Variants in CARS2 observed in about 807,000 individuals in gnomAD.
CARS2 encodes cysteinyl-tRNA synthetase 2, mitochondrial.
CARS2 carries 52 observed loss-of-function variants against 68.8 expected under a neutral mutation model. The observed-to-expected ratio is 0.76, with a 90% CI of 0.61 to 0.95. The LOEUF is 0.95. Ranked by LOEUF, CARS2 falls within the 40% of genes least tolerant of loss-of-function variation. The pLI, the probability that CARS2 is intolerant of heterozygous loss-of-function variation, is 0.00. For missense variants in CARS2, 780 were observed against 754.2 expected, an observed-to-expected ratio of 1.03 and a Z score of -0.40; for synonymous variants, 314 against 303.6, an observed-to-expected ratio of 1.03 and a Z score of -0.36.
At chr13:110,666,260 G>A (rs557252262) in intron 8 of CARS2, 7 of 985,290 alleles carry the variant, frequency 7.1e-6, no homozygotes, top group Non-Finnish European at 7.2e-6. Context: ...GAGGGCGGCA[G>A]GCGTTTGTTC....
At chr13:110,644,667 G>A in intron 12 of CARS2, 184 bp from the exon 13 acceptor site, 3 of 1,013,944 alleles carry the variant, frequency 3.0e-6, no homozygotes, top group Admixed American at 3.0e-5. Context: ...ACAACTATAG[G>A]TGCATGAGGA....
At chr13:110,641,786 C>T (rs1887341391) in intron 14 of CARS2, among the ~76,000 whole-genome samples, 178 bp from the exon 15 acceptor site, 3 of 152,260 alleles carry the variant, frequency 2.0e-5, no homozygotes, top group Admixed American at 2.0e-4. Flanking sequence ...CTTCAAGGCA[C>T]CTGCAGGAGG....
At chr13:110,703,294 C>T (rs2063844878) in intron 2 of CARS2, among the ~76,000 whole-genome samples, 1 of 152,180 alleles carries the variant, frequency 6.6e-6, no homozygotes. Context: ...CTAACGACAT[C>T]AGATGGTTGC....
chr13:110,686,265 A>G (rs2063303252), intron 5 of CARS2, among the ~76,000 whole-genome samples: 1 of 147,228 alleles, frequency 6.8e-6, no homozygotes, highest in Non-Finnish European at 1.5e-5. Flanking sequence ...TTTTTGAGAC[A>G]AGGTCTCGCT....
intron 3 of CARS2, among the ~76,000 whole-genome samples, chr13:110,690,060 C>T (rs1049298329): frequency 1.1e-4 from 17 of 152,104 alleles, no homozygotes; most frequent in South Asian, 2.1e-4. Flanking sequence ...AACCCCGTTG[C>T]TACTGAAAAT....
Position 110,642,529 on chromosome 13 carries a change from C to T in CARS2, c.1417-8G>A. Reference sequence around the variant, plus strand: ...GCCGTCTCCTGAAACGTACTGAAGCCAGCAGGGCGCGGTTACGTCCCCCGG... The same window carrying T: ...GCCGTCTCCTGAAACGTACTGAAGCTAGCAGGGCGCGGTTACGTCCCCCGG... On this transcript the variant is annotated splice_region_variant and splice_polypyrimidine_tract_variant and intron_variant, in intron 13 of 14. Coordinates refer to ENST00000257347, the MANE Select transcript of CARS2 (RefSeq NM_024537.4). The T allele has an allele frequency of 6.2e-7, 1 of 1,608,886 alleles. No individual in the cohort carries two copies.
chr13:110,669,690 T>C (rs995456683), intron 7 of CARS2, among the ~76,000 whole-genome samples: 4 of 152,140 alleles, frequency 2.6e-5, no homozygotes, highest in Non-Finnish European at 5.9e-5. Flanking sequence ...ACTGAGGTAC[T>C]GGCTTCATCT....
chr13:110,699,619 G>A (rs912232224), intron 3 of CARS2, among the ~76,000 whole-genome samples: 4 of 152,232 alleles, frequency 2.6e-5, no homozygotes, highest in African/African-American at 9.6e-5. Context: ...CTAAACCACA[G>A]TGAATTGTGA....
Position 110,682,226 on chromosome 13 carries a change from A to T in CARS2, c.655+825T>A, listed in dbSNP as rs568298646. Among the ~76,000 whole-genome samples the T allele has an allele frequency of 7.7e-4, 118 of 152,348 alleles. 1 individual carries two copies. In the South Asian group the frequency reaches 0.022, roughly 28 times the overall value. ...GCAAATCTATTAAATAAATAATTTT[A>T]AAAAACCTTCCTGATGCCAGAATGT... On this transcript the variant is annotated intron_variant, in intron 6 of 14. Coordinates refer to ENST00000257347, the MANE Select transcript of CARS2 (RefSeq NM_024537.4).
At chr13:110,712,993 A>C in intron 1 of CARS2, 1 of 1,547,664 alleles carries the variant, frequency 6.5e-7, no homozygotes. Flanking sequence ...TCTCCCGCGC[A>C]CTCTGCGGCC....
chr13:110,662,522 C>G (rs576724718), intron 9 of CARS2, among the ~76,000 whole-genome samples: 2 of 152,388 alleles, frequency 1.3e-5, no homozygotes, highest in South Asian at 2.1e-4. Flanking sequence ...TTGTTTTTCT[C>G]TTGCTAATCT....
At position 110,705,509 on chromosome 13, in the gene CARS2, C is replaced by A; in HGVS notation, c.275+12G>T. 6.3e-7 allele frequency: 1 copy of A among 1,575,524 alleles called. No individual in the cohort carries two copies. The highest frequency in any genetic ancestry group is 8.6e-7 in the Non-Finnish European group (1 of 1,160,360). On this transcript the variant is annotated intron_variant, in intron 2 of 14. Transcript: ENST00000257347. The surrounding 1 kb of genome is among the most constrained non-coding windows in gnomAD (Gnocchi z 4.0). ...CCTTTGAAGTATGAAAATTCAAATCCAGGAAACTCACCAAGCATGGCCAAG... is the reference window on the plus strand; with the variant it reads ...CCTTTGAAGTATGAAAATTCAAATCAAGGAAACTCACCAAGCATGGCCAAG...
At chr13:110,644,313 T>A in intron 13 of CARS2, 72 bp downstream of exon 13, 1 of 1,468,434 alleles carries the variant, frequency 6.8e-7, no homozygotes. Context: ...TATTCCAAGT[T>A]AAAAGGGTAA....
At chr13:110,652,356 A>C (rs911249976) in intron 9 of CARS2, among the ~76,000 whole-genome samples, 4 of 152,268 alleles carry the variant, frequency 2.6e-5, no homozygotes, top group Non-Finnish European at 5.9e-5. Context: ...AAAATACTGC[A>C]TCACAACACA....
intron 1 of CARS2, chr13:110,713,055 GCC>G: frequency 6.8e-7 from 1 of 1,463,090 alleles, no homozygotes; most frequent in Non-Finnish European, 9.0e-7. Flanking sequence ...CGCCACTTCC[GCC>G]CGTGCCCGGC....
intron 8 of CARS2, 134 bp from the exon 9 acceptor site, chr13:110,663,652 T>C (rs989649924): frequency 1.4e-6 from 2 of 1,425,364 alleles, no homozygotes; most frequent in African/African-American, 1.5e-5. Context: ...TTGGTATAAA[T>C]CTGCCCCCAA....
At chr13:110,647,933 GCTGT>G (rs1044229527) in intron 10 of CARS2, among the ~76,000 whole-genome samples, 22 of 152,316 alleles carry the variant, frequency 1.4e-4, no homozygotes, top group African/African-American at 4.1e-4. Flanking sequence ...TGTTTCCCAG[GCTGT>G]CTGAGTCCAC....
chr13:110,644,164 G>A, intron 13 of CARS2: 1 of 1,441,302 alleles, frequency 6.9e-7, no homozygotes, highest in South Asian at 1.2e-5. Context: ...CTCTGGTTCT[G>A]CGCACGAGAG....
In CARS2 at chr13:110,694,524, G is replaced by A. The variant is rs572589246; in HGVS notation, c.394-6506C>T. 2.0e-3 allele frequency among the ~76,000 whole-genome samples: 302 copies of A among 151,978 alleles called. 1 individual carries two copies. The highest frequency in any genetic ancestry group is 3.4e-3 in the Middle Eastern group (1 of 294). ...TAGTGGTGTACGCCTGTAGTCCCAG[G>A]TACTCGGGAGGCTGAGGCAGGAAAA... On this transcript the variant is annotated intron_variant, in intron 3 of 14. Coordinates refer to ENST00000257347, the MANE Select transcript of CARS2 (RefSeq NM_024537.4).
Sources: gnomAD v4.1 joint callset for allele counts (sites outside exome capture counted in the v4.1 genomes callset) on GRCh38, gnomAD v4.1.1 for gene constraint, Gnocchi (gnomAD v3.1) non-coding constraint, MANE v1.5 for transcripts, NCBI Gene and HGNC (gene_info 2026-07-23, HGNC 2026-07-21) for gene names.